The following VPS13D variants were observed in gnomAD, a reference collection of about 807,000 sequenced individuals.
The protein encoded by VPS13D is intermembrane lipid transfer protein VPS13D.
Under a neutral mutation model 461.9 loss-of-function variants are expected in VPS13D, and 187 were observed. The ratio of observed to expected loss-of-function variants is 0.40; its 90% CI spans 0.36 to 0.46. VPS13D has a LOEUF of 0.46. Among genes scored for constraint, VPS13D ranks in the 20% least tolerant of loss-of-function variants. The pLI is 0.60. For missense variants in VPS13D, 4,711 were observed against 5,364.9 expected, an observed-to-expected ratio of 0.88 and a Z score of 3.81; for synonymous variants, 1,951 against 1,986.3, an observed-to-expected ratio of 0.98 and a Z score of 0.47.
chr1:12,237,852 G>T (rs1473704207), intron 2 of VPS13D, among the ~76,000 whole-genome samples: 1 of 151,816 alleles, frequency 6.6e-6, no homozygotes, highest in Admixed American at 6.6e-5. Context: ...TCATTGTTCA[G>T]TCATTTAAAA....
chr1:12,378,386 C>T (rs1644229937), intron 55 of VPS13D, 42 bp from the exon 56 acceptor site: 2 of 1,519,400 alleles, frequency 1.3e-6, no homozygotes, highest in Non-Finnish European at 1.8e-6. Flanking sequence ...CTGTGGCTGC[C>T]CATAATGGCT....
intron 50 of VPS13D, among the ~76,000 whole-genome samples, chr1:12,362,215 A>G (rs1474356683): frequency 1.3e-5 from 2 of 152,220 alleles, no homozygotes; most frequent in Non-Finnish European, 2.9e-5. Flanking sequence ...TTCTTGGGCA[A>G]TGGGCTAAAA....
chr1:12,379,519 C>G lies in VPS13D; in HGVS notation c.11113C>G (p.Arg3705Gly). The G allele has an allele frequency of 6.2e-7, 1 of 1,613,256 alleles. No homozygotes were observed. Among genetic ancestry groups the G allele is most frequent in the African/African-American group, 1.3e-5 (1 of 74,960 alleles). Reference protein sequence around the residue: ...YEPLMLRKPDRRRSTTQTWSF... With the variant: ...YEPLMLRKPDGRRSTTQTWSF... ...GCCACTGATGCTGAGAAAGCCTGAC[C>G]GCAGGCGAAGCACAACTCAGACGTG... Residue 3705 changes from arginine to glycine, a missense_variant, in exon 57 of 70, where the codon CGC becomes GGC. Arg to Gly is a moderately radical substitution (Grantham distance 125). This residue lies in a region of VPS13D where 4,411 missense variants were observed against 4,937.8 expected (regional missense o/e 0.89). Coordinates refer to ENST00000620676, the MANE Select transcript of VPS13D (RefSeq NM_015378.4).
At chr1:12,427,450 G>T in intron 65 of VPS13D, among the ~76,000 whole-genome samples, 1 of 151,032 alleles carries the variant, frequency 6.6e-6, no homozygotes. Context: ...TGTGGGTTCT[G>T]TATTCATTAA....
rs201743573 is a variant in VPS13D at position 12,278,030 on chromosome 1, G to A, written c.4442G>A (p.Arg1481Lys). The A allele has an allele frequency of 1.9e-6, 3 of 1,611,664 alleles. No homozygotes were observed. The highest frequency in any genetic ancestry group is 2.7e-5 in the African/African-American group (2 of 74,952). Residue 1481 changes from arginine to lysine, a missense_variant, in exon 19 of 70, where the codon AGA (arginine) becomes AAA (lysine). By Grantham distance (26) the Arg-to-Lys change is conservative. This residue lies in a region of VPS13D where 4,411 missense variants were observed against 4,937.8 expected (regional missense o/e 0.89). Coordinates refer to ENST00000620676, the MANE Select transcript of VPS13D (RefSeq NM_015378.4). ...TRHDFFESLH[R>K]GQAFHILNNT... ...CATGATTTCTTTGAATCTTTGCATA[G>A]AGGTCAAGGTGAGGAGCATCAGTCT...
chr1:12,366,948 T>A (rs1419208764), intron 52 of VPS13D, among the ~76,000 whole-genome samples: 1 of 152,226 alleles, frequency 6.6e-6, no homozygotes, highest in Non-Finnish European at 1.5e-5. Flanking sequence ...TCTAATTAAA[T>A]ATAATACTAT....
intron 23 of VPS13D, among the ~76,000 whole-genome samples, chr1:12,292,121 T>C (rs2101426482): frequency 6.6e-6 from 1 of 151,792 alleles, no homozygotes; most frequent in East Asian, 2.0e-4. Flanking sequence ...TAGCGGGGTG[T>C]GGTGGCAGGT....
intron 67 of VPS13D, among the ~76,000 whole-genome samples, chr1:12,491,096 C>T (rs188750029): frequency 1.4e-3 from 210 of 152,284 alleles, no homozygotes; most frequent in African/African-American, 5.0e-3. Flanking sequence ...GATTGACCTT[C>T]GTTCTCAGTC....
intron 43 of VPS13D, 36 bp downstream of exon 43, chr1:12,345,545 CTG>C: frequency 6.3e-7 from 1 of 1,591,006 alleles, no homozygotes; most frequent in Non-Finnish European, 8.6e-7. Flanking sequence ...GGTTAAGCGA[CTG>C]TCAGGAAGTC....
At chr1:12,237,496 A>C (rs866828633) in intron 2 of VPS13D, among the ~76,000 whole-genome samples, 5 of 151,840 alleles carry the variant, frequency 3.3e-5, no homozygotes, top group Middle Eastern at 3.4e-3. Context: ...CTTTTCCCCC[A>C]AAAATTTTCA....
At chr1:12,303,203 G>A (rs543131701) in intron 25 of VPS13D, among the ~76,000 whole-genome samples, 7 of 152,244 alleles carry the variant, frequency 4.6e-5, no homozygotes, top group Admixed American at 3.9e-4. Context: ...GCTTGGAGAC[G>A]GGTTATTTGC....
intron 67 of VPS13D, among the ~76,000 whole-genome samples, chr1:12,487,034 CACT>C (rs1645806687): frequency 6.6e-6 from 1 of 152,160 alleles, no homozygotes; most frequent in Non-Finnish European, 1.5e-5. Flanking sequence ...GAGAGCATGT[CACT>C]GGCTCCCCTG....
In VPS13D at chr1:12,276,291, C is replaced by T. The variant is rs768059908; in HGVS notation, c.2703C>T (p.Leu901=). Residue 901 remains leucine, a synonymous_variant, in exon 19 of 70, where the codon CTC becomes CTT. Transcript: ENST00000620676. The surrounding 1 kb of genome is among the most constrained non-coding windows in gnomAD (Gnocchi z 4.5). ...ISALKNCFAL[L]TTPEMKTSDT... is the part of the protein sequence containing the mutation. ...CACTAAAGAATTGCTTTGCTCTCCT[C>T]ACCACCCCAGAAATGAAAACTTCTG... 5 of 1,614,170 alleles carry T rather than the reference C, an allele frequency of 3.1e-6. No individual in the cohort carries two copies. In the South Asian group the frequency reaches 5.5e-5, roughly 18 times the overall value.
At chr1:12,393,648 G>T (rs1644458124) in intron 60 of VPS13D, among the ~76,000 whole-genome samples, 1 of 152,170 alleles carries the variant, frequency 6.6e-6, no homozygotes, top group Non-Finnish European at 1.5e-5. Flanking sequence ...CTTTCAAGTG[G>T]CACTAATCTC....
intron 65 of VPS13D, among the ~76,000 whole-genome samples, chr1:12,452,259 T>C (rs1039340847): frequency 1.5e-4 from 23 of 152,232 alleles, no homozygotes; most frequent in African/African-American, 5.3e-4. Flanking sequence ...GTCTGAATAA[T>C]CTGGACCTCT....
At chr1:12,436,509 T>C (rs1645062632) in intron 65 of VPS13D, among the ~76,000 whole-genome samples, 1 of 152,166 alleles carries the variant, frequency 6.6e-6, no homozygotes, top group Non-Finnish European at 1.5e-5. Context: ...TGTACATCCC[T>C]TTGTTTTCCC....
At chr1:12,467,717 A>G (rs1315304972) in intron 67 of VPS13D, among the ~76,000 whole-genome samples, 1 of 152,320 alleles carries the variant, frequency 6.6e-6, no homozygotes, top group East Asian at 1.9e-4. Context: ...GTTCATGCAC[A>G]CACGTGTTTG....
At position 12,244,307 on chromosome 1, in the gene VPS13D, G is replaced by A. The variant is rs1357456896; in HGVS notation, c.237G>A (p.Val79=). ...ATCGCCCCCATGTGGACCCTTGGGT[G>A]ATCTCCATCTCCAGCCTTCACTTAA... ...PFYRPHVDPW[V]ISISSLHLIG... Residue 79 remains valine, a synonymous_variant, in exon 4 of 70, where the codon GTG becomes GTA. Transcript: ENST00000620676. The A allele has an allele frequency of 6.2e-7, 1 of 1,614,138 alleles. No individual in the cohort carries two copies. The highest frequency in any genetic ancestry group is 1.1e-5 in the South Asian group (1 of 91,078).
intron 63 of VPS13D, among the ~76,000 whole-genome samples, chr1:12,404,567 C>T (rs1644625633): frequency 1.3e-5 from 2 of 152,178 alleles, no homozygotes; most frequent in Admixed American, 1.3e-4. Context: ...GCCTGAACAC[C>T]GTCTTCATTT....
Sources: gnomAD v4.1 joint callset for allele counts (sites outside exome capture counted in the v4.1 genomes callset) on GRCh38, gnomAD v4.1.1 for gene constraint, gnomAD v4.1.1 regional missense constraint, Gnocchi (gnomAD v3.1) non-coding constraint, MANE v1.5 for transcripts, NCBI Gene and HGNC (gene_info 2026-07-23, HGNC 2026-07-21) for gene names.